Variants in ATP2A2 observed in about 807,000 individuals in gnomAD.
The protein encoded by ATP2A2 is ATPase sarcoplasmic/endoplasmic reticulum Ca2+ transporting 2.
In ATP2A2, 14 loss-of-function variants were observed where a neutral mutation model predicts 109.3. The observed-to-expected ratio is 0.13, with a 90% CI of 0.08 to 0.20. ATP2A2 has a LOEUF of 0.20. ATP2A2 is among the 10% of genes least tolerant of loss of function. The pLI, the probability that ATP2A2 is intolerant of heterozygous loss-of-function variation, is 1.00. For synonymous variants in ATP2A2, 506 were observed against 490.9 expected (o/e 1.03, Z -0.41); for missense variants, 657 against 1,321.6 (o/e 0.50, Z 7.80).
At position 110,334,243 on chromosome 12, in the gene ATP2A2, C is replaced by G. The variant is rs1355377917; in HGVS notation, c.1419+100C>G. The G allele has an allele frequency of 3.6e-6, 5 of 1,400,586 alleles. No homozygotes were observed. In the East Asian group the frequency reaches 1.1e-4, roughly 32 times the overall value. 86.8% of individuals were successfully genotyped at this position (1,400,586 alleles called of 1,614,324 possible). A position where few individuals can be genotyped will look rare whatever the true frequency, so the allele number is the denominator to read the frequency against. ...CTACTCTCTTAGAAAACTAATTATA[C>G]CTTATCTCCTCAAACTTACAGTATT... is the stretch of plus-strand genomic sequence containing the variant. On this transcript the variant is annotated intron_variant, in intron 11 of 19. Coordinates refer to ENST00000539276, the MANE Select transcript of ATP2A2 (RefSeq NM_170665.4).
At chr12:110,338,312 C>T (rs1879034492) in intron 11 of ATP2A2, among the ~76,000 whole-genome samples, 1 of 152,246 alleles carries the variant, frequency 6.6e-6, no homozygotes, top group South Asian at 2.1e-4. Flanking sequence ...TCACGTGTGA[C>T]AGCCACATGA....
intron 11 of ATP2A2, among the ~76,000 whole-genome samples, chr12:110,338,496 C>T (rs999649767): frequency 2.6e-5 from 4 of 152,170 alleles, no homozygotes; most frequent in Admixed American, 6.5e-5. Context: ...TTTGCTCTTT[C>T]GTCCAGGGTG....
rs144031316 is a variant in ATP2A2, at chr12:110,333,435, G to C, written c.1287+152G>C. The C allele has an allele frequency of 1.9e-4, 140 of 742,718 alleles. No individual in the cohort carries two copies. The African/African-American group carries it at 2.0e-3, about 11-fold the overall frequency. 46.0% of individuals were successfully genotyped at this position (742,718 alleles called of 1,614,324 possible). A position where few individuals can be genotyped will look rare whatever the true frequency, so the allele number is the denominator to read the frequency against. ...CATTCAGAACCTGATGGTGGGGCCA[G>C]CATGACCTCACCAAAGAAAGCTGAG... is the stretch of plus-strand genomic sequence containing the variant. On this transcript the variant is annotated intron_variant, in intron 10 of 19. Coordinates refer to ENST00000539276, the MANE Select transcript of ATP2A2 (RefSeq NM_170665.4).
intron 4 of ATP2A2, 146 bp from the exon 5 acceptor site, chr12:110,296,453 C>T: frequency 1.9e-6 from 2 of 1,031,436 alleles, no homozygotes; most frequent in Non-Finnish European, 3.0e-6. Context: ...GTGTCTGTTG[C>T]CTTAGATGTG....
At chr12:110,312,819 C>T (rs1386434014) in intron 5 of ATP2A2, among the ~76,000 whole-genome samples, 2 of 148,240 alleles carry the variant, frequency 1.3e-5, no homozygotes, top group Non-Finnish European at 1.5e-5. Flanking sequence ...AACTGCATTC[C>T]ACCCTGAGGG....
At chr12:110,293,862 GTGTA>G (rs1370449620) in intron 4 of ATP2A2, among the ~76,000 whole-genome samples, 18 of 123,232 alleles carry the variant, frequency 1.5e-4, no homozygotes, top group South Asian at 7.4e-4. Context: ...GTGTGTGTGT[GTGTA>G]TATATTTTTT....
At chr12:110,292,826 A>G (rs1444244484) in intron 4 of ATP2A2, among the ~76,000 whole-genome samples, 3 of 152,196 alleles carry the variant, frequency 2.0e-5, no homozygotes, top group Admixed American at 2.0e-4. Context: ...AGGAATTAAA[A>G]TGGGTGAGAG....
chr12:110,348,685 CAG>C lies in ATP2A2; in HGVS notation c.*2218_*2219del, dbSNP rs893334764. Reference sequence around the variant, plus strand: ...CAGGTACTCAAACCAGCCTGGGCAACAGAGTGAGGCCCTGTCAAAAAAAAATC... The same window carrying C: ...CAGGTACTCAAACCAGCCTGGGCAACAGTGAGGCCCTGTCAAAAAAAAATC... On this transcript the variant is annotated 3_prime_UTR_variant, in exon 20 of 20. Coordinates refer to ENST00000539276, the MANE Select transcript of ATP2A2 (RefSeq NM_170665.4). The C allele has an allele frequency of 4.1e-6, 4 of 985,348 alleles. No individual in the cohort carries two copies. The highest frequency in any genetic ancestry group is 4.8e-6 in the Non-Finnish European group (4 of 829,972). 61.0% of individuals were successfully genotyped at this position (985,348 alleles called of 1,614,324 possible). A position where few individuals can be genotyped will look rare whatever the true frequency, so the allele number is the denominator to read the frequency against.
At chr12:110,307,196 A>G (rs1016312718) in intron 5 of ATP2A2, among the ~76,000 whole-genome samples, 2 of 145,370 alleles carry the variant, frequency 1.4e-5, no homozygotes, top group Admixed American at 6.9e-5. Flanking sequence ...CCAGCAGTGT[A>G]TAAGTGTTCC....
At chr12:110,283,230 A>G (rs1363455303) in intron 3 of ATP2A2, among the ~76,000 whole-genome samples, 2 of 152,228 alleles carry the variant, frequency 1.3e-5, no homozygotes, top group Non-Finnish European at 2.9e-5. Flanking sequence ...GGTAATGGCA[A>G]GGTGACAGTT....
At position 110,349,111 on chromosome 12, in the gene ATP2A2, G is replaced by T; in HGVS notation, c.*2641G>T. On this transcript the variant is annotated 3_prime_UTR_variant, in exon 20 of 20. Transcript: ENST00000539276. ...CCCACTTCCCTTGGTCCAGACAGCT[G>T]GGAGTGGGTTAGGCCCACTGCTGTT... The T allele has an allele frequency of 1.0e-6, 1 of 985,468 alleles. No individual in the cohort carries two copies. Among genetic ancestry groups the T allele is most frequent in the Non-Finnish European group, 1.2e-6 (1 of 829,966 alleles). The allele number at this position is 985,468 out of a possible 1,614,324, so 61.0% of individuals were successfully genotyped here.
In ATP2A2 at chr12:110,347,512, T is replaced by C. The variant is rs1162819164; in HGVS notation, c.*1042T>C. The C allele has an allele frequency of 3.9e-6, 5 of 1,288,786 alleles. No homozygotes were observed. The highest frequency in any genetic ancestry group is 2.1e-4 in the Middle Eastern group (1 of 4,710). 79.8% of individuals were successfully genotyped at this position (1,288,786 alleles called of 1,614,324 possible). ...CAGGCACTAATTGTCATCTGTGATG[T>C]ACATTTTATGCAAGTTTCTGCTGGC... On this transcript the variant is annotated 3_prime_UTR_variant, in exon 20 of 20. Coordinates refer to ENST00000539276, the MANE Select transcript of ATP2A2 (RefSeq NM_170665.4).
Position 110,333,207 on chromosome 12 carries a change from G to C in ATP2A2, c.1211G>C (p.Cys404Ser). Reference sequence around the variant, plus strand: ...CATAAAGATGATAAACCAGTGAATTGTCACCAGTATGATGGTCTGGTAGAA... The same window carrying C: ...CATAAAGATGATAAACCAGTGAATTCTCACCAGTATGATGGTCTGGTAGAA... Reference protein sequence around the residue: ...EVHKDDKPVNCHQYDGLVELA... With the variant: ...EVHKDDKPVNSHQYDGLVELA... The change falls in exon 10 of 20, where the codon TGT becomes TCT. Residue 404 changes from cysteine (C) to serine (S), a missense_variant. This residue lies in a region of ATP2A2 where 46 missense variants were observed against 62.0 expected (regional missense o/e 0.74). Transcript: ENST00000539276. 6.2e-7 allele frequency: 1 copy of C among 1,613,992 alleles called. No homozygotes were observed. The highest frequency in any genetic ancestry group is 8.5e-7 in the Non-Finnish European group (1 of 1,179,878).
chr12:110,331,269 A>G (rs1878311819), intron 8 of ATP2A2: 1 of 152,298 alleles, frequency 6.6e-6, no homozygotes, highest in Middle Eastern at 3.4e-3. Context: ...ATTTTAAAAT[A>G]AAGATTAACT....
At chr12:110,293,995 G>A (rs1001935496) in intron 4 of ATP2A2, among the ~76,000 whole-genome samples, 1 of 149,612 alleles carries the variant, frequency 6.7e-6, no homozygotes, top group Non-Finnish European at 1.5e-5. Flanking sequence ...TCCTGCCTCA[G>A]CTTCCCGAGT....
Position 110,342,796 on chromosome 12 carries a change from G to A in ATP2A2, c.2318+348G>A, listed in dbSNP as rs1348082770. Among the ~76,000 whole-genome samples, 1 of 151,818 alleles carries A rather than the reference G, an allele frequency of 6.6e-6. No individual in the cohort carries two copies. The highest frequency in any genetic ancestry group is 1.5e-5 in the Non-Finnish European group (1 of 67,970). Reference sequence around the variant, plus strand: ...ATTTTTTTGAGACAGTCTCGCTGTCGCCCAGGCTTCGGGCAGTGGCACGAT... The same window carrying A: ...ATTTTTTTGAGACAGTCTCGCTGTCACCCAGGCTTCGGGCAGTGGCACGAT... On this transcript the variant is annotated intron_variant, in intron 15 of 19. Coordinates refer to ENST00000539276, the MANE Select transcript of ATP2A2 (RefSeq NM_170665.4). The surrounding 1 kb of genome is among the most constrained non-coding windows in gnomAD (Gnocchi z 4.6).
In ATP2A2 at chr12:110,340,463, G is replaced by C. The variant is rs1879236013; in HGVS notation, c.1762-196G>C. ...TGAGGCAGAAGAGTCTCTTGAACCTGGGAGGCGGAGGTCGCAGTGAGCTGA... is the reference window on the plus strand; with the variant it reads ...TGAGGCAGAAGAGTCTCTTGAACCTCGGAGGCGGAGGTCGCAGTGAGCTGA... On this transcript the variant is annotated intron_variant, in intron 13 of 19. Transcript: ENST00000539276. This position sits in a 1 kb window ranked among gnomAD's most constrained non-coding sequence, Gnocchi z 6.0. Among the ~76,000 whole-genome samples the C allele has an allele frequency of 1.3e-5, 2 of 151,852 alleles. No homozygotes were observed. Among genetic ancestry groups the C allele is most frequent in the Admixed American group, 6.6e-5 (1 of 15,246 alleles).
In ATP2A2 at chr12:110,346,243, A is replaced by C; in HGVS notation, c.2902A>C (p.Met968Leu). 6.2e-7 allele frequency: 1 copy of C among 1,614,166 alleles called. No individual in the cohort carries two copies. The highest frequency in any genetic ancestry group is 8.5e-7 in the Non-Finnish European group (1 of 1,180,032). Residue 968 changes from methionine (M) to leucine (L), a missense_variant, in exon 20 of 20, where the codon ATG becomes CTG. By Grantham distance (15) the Met-to-Leu change is conservative. Transcript: ENST00000539276. Reference protein sequence around the residue: ...ITPLNVTQWLMVLKISLPVIL... With the variant: ...ITPLNVTQWLLVLKISLPVIL... ...ACCGCTGAACGTGACCCAGTGGCTG[A>C]TGGTGCTGAAAATCTCCTTGCCCGT...
intron 3 of ATP2A2, 69 bp from the exon 4 acceptor site, chr12:110,291,951 C>T (rs534006031): frequency 2.8e-6 from 4 of 1,403,744 alleles, no homozygotes; most frequent in South Asian, 1.2e-5. Context: ...TCGGCCAGTG[C>T]TAGCCACTTT....
Sources: gnomAD v4.1 joint callset for allele counts (sites outside exome capture counted in the v4.1 genomes callset) on GRCh38, gnomAD v4.1.1 for gene constraint, gnomAD v4.1.1 regional missense constraint, Gnocchi (gnomAD v3.1) non-coding constraint, MANE v1.5 for transcripts, NCBI Gene and HGNC (gene_info 2026-07-23, HGNC 2026-07-21) for gene names.